The following CDKAL1 variants were observed in gnomAD, a reference collection of about 807,000 sequenced individuals.
CDKAL1 encodes the protein CDKAL1 threonylcarbamoyladenosine tRNA methylthiotransferase.
In CDKAL1, 32 loss-of-function variants were observed where a neutral mutation model predicts 68.2. The ratio of observed to expected loss-of-function variants is 0.47; its 90% CI spans 0.35 to 0.63. The LOEUF is 0.63. Ranked by LOEUF, CDKAL1 falls within the 30% of genes least tolerant of loss-of-function variation. The pLI is 0.00. For missense variants in CDKAL1, 606 were observed against 696.7 expected, an observed-to-expected ratio of 0.87 and a Z score of 1.47; for synonymous variants, 234 against 244.3, an observed-to-expected ratio of 0.96 and a Z score of 0.39.
intron 8 of CDKAL1, among the ~76,000 whole-genome samples, chr6:20,830,366 A>G (rs1777664482): frequency 2.0e-5 from 3 of 152,318 alleles, no homozygotes; most frequent in East Asian, 1.9e-4. Flanking sequence ...AGCACTTTAC[A>G]ATGATTGTAT....
intron 11 of CDKAL1, among the ~76,000 whole-genome samples, chr6:21,044,479 G>A (rs569610499): frequency 2.0e-4 from 31 of 152,236 alleles, no homozygotes; most frequent in Non-Finnish European, 5.9e-5. Context: ...TACATTGGTG[G>A]TCACAGACAA....
chr6:20,579,346 G>A (rs1026637912), intron 4 of CDKAL1, among the ~76,000 whole-genome samples: 3 of 151,842 alleles, frequency 2.0e-5, no homozygotes, highest in Non-Finnish European at 2.9e-5. Flanking sequence ...CATACAATAC[G>A]GATGCCTGAA....
At chr6:20,936,482 C>T (rs1240810771) in intron 9 of CDKAL1, among the ~76,000 whole-genome samples, 1 of 151,154 alleles carries the variant, frequency 6.6e-6, no homozygotes, top group African/African-American at 2.4e-5. Flanking sequence ...GATCTCCTGA[C>T]CTCGTGATCC....
intron 4 of CDKAL1, among the ~76,000 whole-genome samples, chr6:20,577,166 G>A (rs1764949325): frequency 1.3e-5 from 2 of 152,110 alleles, no homozygotes; most frequent in South Asian, 2.1e-4. Flanking sequence ...CTGTAAGTGG[G>A]GAAGGCTTTC....
chr6:20,794,864 G>T (rs1456872188), intron 8 of CDKAL1, among the ~76,000 whole-genome samples: 1 of 152,064 alleles, frequency 6.6e-6, no homozygotes. Context: ...TTTGTGGTCT[G>T]CAAGACATCA....
chr6:20,577,426 C>T (rs1764959666), intron 4 of CDKAL1, among the ~76,000 whole-genome samples: 1 of 152,176 alleles, frequency 6.6e-6, no homozygotes, highest in Non-Finnish European at 1.5e-5. Flanking sequence ...TTTCCTTGCT[C>T]TGTGCTTTCA....
intron 9 of CDKAL1, among the ~76,000 whole-genome samples, chr6:20,875,065 C>T (rs1053366811): frequency 2.0e-5 from 3 of 151,114 alleles, no homozygotes; most frequent in East Asian, 2.0e-4. Flanking sequence ...TTTGGGAGGC[C>T]GAGGCGGGTG....
At chr6:20,905,644 A>G (rs1034939509) in intron 9 of CDKAL1, among the ~76,000 whole-genome samples, 2 of 152,236 alleles carry the variant, frequency 1.3e-5, no homozygotes, top group African/African-American at 4.8e-5. Context: ...ACACATTATC[A>G]TCAAACTGTC....
intron 7 of CDKAL1, among the ~76,000 whole-genome samples, chr6:20,771,222 C>T (rs1225212000): frequency 6.6e-6 from 1 of 152,094 alleles, no homozygotes; most frequent in Non-Finnish European, 1.5e-5. Flanking sequence ...AATGTACATC[C>T]TCTTTGTTTT....
At chr6:21,064,436 G>A (rs990612826) in intron 11 of CDKAL1, among the ~76,000 whole-genome samples, 1 of 152,198 alleles carries the variant, frequency 6.6e-6, no homozygotes, top group African/African-American at 2.4e-5. Flanking sequence ...TATACAATAT[G>A]TCAAAGGTTT....
At chr6:20,965,328 A>AGGGGG (rs1765252333) in intron 10 of CDKAL1, among the ~76,000 whole-genome samples, 2 of 92,534 alleles carry the variant, frequency 2.2e-5, no homozygotes, top group East Asian at 3.9e-4. Flanking sequence ...AGAGGAGGGG[A>AGGGGG]GGGGAGGGGA....
Position 20,880,713 on chromosome 6 carries a change from T to C in CDKAL1, c.742+34535T>C, listed in dbSNP as rs148958588. ...CTCCTGAATTCATATATAATGTGGGTCTGAGAACATATTTGACAGTTGATT... is the reference window on the plus strand; with the variant it reads ...CTCCTGAATTCATATATAATGTGGGCCTGAGAACATATTTGACAGTTGATT... On this transcript the variant is annotated intron_variant, in intron 9 of 15. Coordinates refer to ENST00000274695, the MANE Select transcript of CDKAL1 (RefSeq NM_017774.3). Among the ~76,000 whole-genome samples, 554 of 152,300 alleles carry C rather than the reference T, an allele frequency of 3.6e-3. 4 individuals carry two copies. Among genetic ancestry groups the C allele is most frequent in the African/African-American group, 0.012 (481 of 41,558 alleles).
intron 11 of CDKAL1, among the ~76,000 whole-genome samples, chr6:21,018,031 C>G (rs980205951): frequency 6.6e-6 from 1 of 152,272 alleles, no homozygotes; most frequent in South Asian, 2.1e-4. Flanking sequence ...CTATCAACCT[C>G]TATGCTTGAG....
At chr6:21,041,719 T>C (rs1288724571) in intron 11 of CDKAL1, among the ~76,000 whole-genome samples, 2 of 152,136 alleles carry the variant, frequency 1.3e-5, no homozygotes, top group South Asian at 2.1e-4. Flanking sequence ...TTGTATAGCA[T>C]TTAAAATTTT....
chr6:21,047,519 G>A (rs1271253228), intron 11 of CDKAL1, among the ~76,000 whole-genome samples: 1 of 152,062 alleles, frequency 6.6e-6, no homozygotes, highest in Non-Finnish European at 1.5e-5. Context: ...TCATGTATTC[G>A]TCTTACTGTC....
At chr6:21,040,413 T>A (rs2150893647) in intron 11 of CDKAL1, among the ~76,000 whole-genome samples, 1 of 152,280 alleles carries the variant, frequency 6.6e-6, no homozygotes, top group South Asian at 2.1e-4. Context: ...GAGATGAATG[T>A]CTCTCAGTCA....
chr6:21,216,157 T>G (rs1340273356), intron 15 of CDKAL1, among the ~76,000 whole-genome samples: 1 of 152,218 alleles, frequency 6.6e-6, no homozygotes, highest in Non-Finnish European at 1.5e-5. Context: ...GAGACCCATC[T>G]GACTTCTGAG....
chr6:20,996,144 C>T lies in CDKAL1; in HGVS notation c.910-4083C>T, dbSNP rs116413278. Among the ~76,000 whole-genome samples, 1,265 of 152,310 alleles carry T rather than the reference C, an allele frequency of 8.3e-3. 12 individuals are homozygous for T. The highest frequency in any genetic ancestry group is 0.036 in the South Asian group (173 of 4,824). The stretch of plus-strand genomic sequence containing the variant: ...AATTGAAGAGAGTTAGGGCCTTGCT[C>T]TGGATTAGGTTTGTGCTTAAGGGAA... On this transcript the variant is annotated intron_variant, in intron 10 of 15. Coordinates refer to ENST00000274695, the MANE Select transcript of CDKAL1 (RefSeq NM_017774.3).
chr6:20,638,612 ATTC>A (rs1272443518), intron 4 of CDKAL1, among the ~76,000 whole-genome samples: 3 of 88,434 alleles, frequency 3.4e-5, no homozygotes, highest in African/African-American at 5.1e-5. Flanking sequence ...CTTATTAGAG[ATTC>A]TTTTTTTTTT....
Sources: allele counts gnomAD v4.1 joint callset (sites outside exome capture counted in the v4.1 genomes callset), GRCh38; gene constraint gnomAD v4.1.1; transcripts MANE v1.5; gene names NCBI Gene and HGNC (gene_info 2026-07-23, HGNC 2026-07-21).